The following ADARB2 variants were observed in gnomAD, a reference collection of about 807,000 sequenced individuals.
ADARB2 encodes adenosine deaminase RNA specific B2 (inactive).
A neutral mutation model predicts 62.2 loss-of-function variants in ADARB2; 25 were observed. The observed-to-expected ratio is 0.40, with a 90% confidence interval of 0.29 to 0.56. The LOEUF (loss-of-function observed/expected upper bound fraction) is 0.56, where lower values mean the gene tolerates loss of function less well. Among genes scored for constraint, ADARB2 ranks in the 20% least tolerant of loss-of-function variants. The pLI is 0.43. For synonymous variants in ADARB2, 572 were observed against 500.8 expected (o/e 1.14, Z -1.90); for missense variants, 1,071 against 1,077.4 (o/e 0.99, Z 0.08).
At chr10:1,349,111 C>T (rs985383950) in intron 3 of ADARB2, among the ~76,000 whole-genome samples, 1 of 152,120 alleles carries the variant, frequency 6.6e-6, no homozygotes, top group Admixed American at 6.5e-5. Flanking sequence ...GATGACATTC[C>T]ACCACAAAAG....
At chr10:1,215,126 C>T (rs1206358965) in intron 7 of ADARB2, among the ~76,000 whole-genome samples, 2 of 152,174 alleles carry the variant, frequency 1.3e-5, no homozygotes, top group Non-Finnish European at 2.9e-5. Flanking sequence ...CCTGATGTCA[C>T]CCCCCTGACC....
chr10:1,251,454 GATTTT>G (rs1831037346), intron 4 of ADARB2, among the ~76,000 whole-genome samples: 1 of 152,128 alleles, frequency 6.6e-6, no homozygotes, highest in South Asian at 2.1e-4. Flanking sequence ...GAGAACAGAG[GATTTT>G]TAGGGCAGTG....
rs200495029 is a variant in ADARB2, at chr10:1,454,347, A to G, written c.101-75187T>C. ...TGGGAACACAGAGCCAAACCATATC[A>G]TAGACCCAACGAAATTGAAAGCAGG... On this transcript the variant is annotated intron_variant, in intron 1 of 9. Transcript: ENST00000381312. Among the ~76,000 whole-genome samples the G allele has an allele frequency of 2.6e-5, 4 of 152,360 alleles. No homozygotes were observed. The East Asian group carries it at 7.7e-4, about 29-fold the overall frequency.
At chr10:1,313,251 T>TA (rs1422475608) in intron 3 of ADARB2, among the ~76,000 whole-genome samples, 1 of 152,168 alleles carries the variant, frequency 6.6e-6, no homozygotes, top group Non-Finnish European at 1.5e-5. Flanking sequence ...TGAGTGCCTC[T>TA]GAAGTGACTC....
intron 7 of ADARB2, among the ~76,000 whole-genome samples, chr10:1,213,535 A>G (rs1216512987): frequency 6.6e-6 from 1 of 152,186 alleles, no homozygotes; most frequent in East Asian, 1.9e-4. Flanking sequence ...TCCTGTCACC[A>G]GACTCGGGGA....
At chr10:1,526,578 C>A (rs1213336487) in intron 1 of ADARB2, 1 of 198,650 alleles carries the variant, frequency 5.0e-6, no homozygotes, top group African/African-American at 2.4e-5. Flanking sequence ...TCTCCCACCA[C>A]GTGATCTCTG....
intron 4 of ADARB2, among the ~76,000 whole-genome samples, chr10:1,243,206 G>T (rs1413436196): frequency 6.6e-6 from 1 of 152,252 alleles, no homozygotes; most frequent in Non-Finnish European, 1.5e-5. Flanking sequence ...TGTTGCGGGT[G>T]CCCAGGAGCC....
intron 1 of ADARB2, among the ~76,000 whole-genome samples, chr10:1,433,871 A>T (rs1031289350): frequency 6.6e-6 from 1 of 152,236 alleles, no homozygotes; most frequent in Non-Finnish European, 1.5e-5. Flanking sequence ...GTCTAAAATG[A>T]ATCAAAGTTT....
chr10:1,717,067 T>C (rs4993597), intron 1 of ADARB2, among the ~76,000 whole-genome samples: 3 of 63,934 alleles, frequency 4.7e-5, no homozygotes, highest in African/African-American at 1.1e-4. Flanking sequence ...TCTGATCACA[T>C]GTTATTCTGA....
rs1239343043 is a variant in ADARB2 at position 1,571,299 on chromosome 10, A to ATTTTT, written c.100+165751_100+165752insAAAAA. ...ATCTATTTTTACTTTTTTTTTTTTA[A>ATTTTT]AAAAAGCCTGTATGACAGGTTTTGT... On this transcript the variant is annotated intron_variant, in intron 1 of 9. Transcript: ENST00000381312. 5.9e-3 allele frequency among the ~76,000 whole-genome samples: 887 copies of ATTTTT among 151,206 alleles called. 9 individuals are homozygous for ATTTTT. Among genetic ancestry groups the ATTTTT allele is most frequent in the African/African-American group, 0.014 (583 of 40,674 alleles).
At chr10:1,528,824 G>A (rs531246772) in intron 1 of ADARB2, among the ~76,000 whole-genome samples, 1 of 152,218 alleles carries the variant, frequency 6.6e-6, no homozygotes, top group Non-Finnish European at 1.5e-5. Context: ...AGCAGAATGT[G>A]TGGAATTGGG....
rs1041922595 is a variant in ADARB2, at chr10:1,737,171, G to A, written c.-21C>T. On this transcript the variant is annotated 5_prime_UTR_variant, in exon 1 of 10. Transcript: ENST00000381312. ...GCCATGGCCGAGACCCAGGCGCGGA[G>A]CCCAGAGCCGCCTCCCTCCTGCACC... 6.2e-7 allele frequency: 1 copy of A among 1,601,088 alleles called. No individual in the cohort carries two copies. Among genetic ancestry groups the A allele is most frequent in the Non-Finnish European group, 8.5e-7 (1 of 1,178,608 alleles).
In ADARB2 at chr10:1,417,009, G is replaced by T. The variant is rs560124306; in HGVS notation, c.101-37849C>A. On this transcript the variant is annotated intron_variant, in intron 1 of 9. Transcript: ENST00000381312. ...GCAGGAGTGTTTGAGAAACTGTGTG[G>T]ATGGTGGCCTGCAGTGTAGACCAGA... Among the ~76,000 whole-genome samples the T allele has an allele frequency of 2.0e-5, 3 of 152,302 alleles. No individual in the cohort carries two copies. In the South Asian group the frequency reaches 6.2e-4, roughly 32 times the overall value.
At chr10:1,534,373 G>C (rs1266131448) in intron 1 of ADARB2, among the ~76,000 whole-genome samples, 8 of 152,170 alleles carry the variant, frequency 5.3e-5, no homozygotes, top group Non-Finnish European at 1.2e-4. Context: ...CCTGACCTCA[G>C]GTGATCCACC....
intron 1 of ADARB2, among the ~76,000 whole-genome samples, chr10:1,404,304 C>T (rs1381501309): frequency 6.6e-6 from 1 of 152,220 alleles, no homozygotes; most frequent in East Asian, 1.9e-4. Context: ...GGGAGATGCC[C>T]AGGCTGGTCT....
chr10:1,326,666 C>T (rs991101052), intron 3 of ADARB2, among the ~76,000 whole-genome samples: 2 of 151,170 alleles, frequency 1.3e-5, no homozygotes, highest in African/African-American at 4.9e-5. Flanking sequence ...ATGTTAAACC[C>T]ATAGGGCTCC....
chr10:1,244,984 T>C (rs1830970051), intron 4 of ADARB2, among the ~76,000 whole-genome samples: 1 of 152,188 alleles, frequency 6.6e-6, no homozygotes, highest in Non-Finnish European at 1.5e-5. Flanking sequence ...AGTACCACCC[T>C]GAAGATCTAG....
intron 1 of ADARB2, among the ~76,000 whole-genome samples, chr10:1,564,614 A>G (rs1444665197): frequency 6.6e-6 from 1 of 152,194 alleles, no homozygotes; most frequent in Non-Finnish European, 1.5e-5. Flanking sequence ...ATGAACAGAC[A>G]CTTCTCAAAA....
intron 1 of ADARB2, among the ~76,000 whole-genome samples, chr10:1,383,311 G>C (rs1333488391): frequency 1.3e-5 from 2 of 152,190 alleles, no homozygotes; most frequent in East Asian, 3.9e-4. Context: ...ATACTCACTG[G>C]AATAATTTTT....
Sources: allele counts gnomAD v4.1 joint callset (sites outside exome capture counted in the v4.1 genomes callset), GRCh38; gene constraint gnomAD v4.1.1; transcripts MANE v1.5; gene names NCBI Gene and HGNC (gene_info 2026-07-23, HGNC 2026-07-21).